The following GRID2 variants were observed in gnomAD, a reference collection of about 807,000 sequenced individuals.
The protein encoded by GRID2 is glutamate ionotropic receptor delta type subunit 2.
In GRID2, 33 loss-of-function variants were observed where a neutral mutation model predicts 114.8. The ratio of observed to expected loss-of-function variants is 0.29; its 90% CI spans 0.22 to 0.38. The LOEUF (loss-of-function observed/expected upper bound fraction) is 0.38. Ranked by LOEUF, GRID2 falls within the 10% of genes least tolerant of loss-of-function variation. GRID2 has a pLI of 1.00. For missense variants in GRID2, 1,184 were observed against 1,257.7 expected, an observed-to-expected ratio of 0.94 and a Z score of 0.89; for synonymous variants, 505 against 449.9, an observed-to-expected ratio of 1.12 and a Z score of -1.55.
intron 14 of GRID2, among the ~76,000 whole-genome samples, chr4:93,650,665 A>G (rs879706459): frequency 6.6e-6 from 1 of 152,200 alleles, no homozygotes; most frequent in East Asian, 1.9e-4. Context: ...TACACTTAAA[A>G]AAAGTCCTTT....
intron 2 of GRID2, among the ~76,000 whole-genome samples, chr4:92,652,743 G>T (rs902050230): frequency 7.1e-6 from 1 of 141,812 alleles, no homozygotes; most frequent in Non-Finnish European, 1.5e-5. Context: ...GGCTGGGGGG[G>T]TTGGGGGGTG....
At chr4:92,315,967 A>G (rs1322350934) in intron 1 of GRID2, among the ~76,000 whole-genome samples, 1 of 147,856 alleles carries the variant, frequency 6.8e-6, no homozygotes, top group Non-Finnish European at 1.5e-5. Context: ...TGAAACTCCA[A>G]CTCAAAAAAA....
At chr4:93,597,483 A>G (rs1739221760) in intron 13 of GRID2, among the ~76,000 whole-genome samples, 1 of 152,168 alleles carries the variant, frequency 6.6e-6, no homozygotes, top group African/African-American at 2.4e-5. Context: ...TTTTTAGTTT[A>G]TGTATGAGAT....
chr4:93,686,108 C>T (rs1255719783), intron 14 of GRID2, among the ~76,000 whole-genome samples: 1 of 151,990 alleles, frequency 6.6e-6, no homozygotes, highest in East Asian at 1.9e-4. Flanking sequence ...AAAATGAACT[C>T]TCTGTCTCTC....
At chr4:92,971,508 C>T (rs1753518131) in intron 2 of GRID2, among the ~76,000 whole-genome samples, 1 of 151,892 alleles carries the variant, frequency 6.6e-6, no homozygotes, top group Non-Finnish European at 1.5e-5. Flanking sequence ...ATTACATAGC[C>T]ATCAACTCAA....
At position 92,394,277 on chromosome 4, in the gene GRID2, A is replaced by G. The variant is rs180737862; in HGVS notation, c.88+89533A>G. Reference sequence around the variant, plus strand: ...TTTTAATCAGTGTCTTCTACATTTGACTTTAGCCAAAAAGCTAAGAAATAA... The same window carrying G: ...TTTTAATCAGTGTCTTCTACATTTGGCTTTAGCCAAAAAGCTAAGAAATAA... On this transcript the variant is annotated intron_variant, in intron 1 of 15. Transcript: ENST00000282020. Among the ~76,000 whole-genome samples, 21 of 152,246 alleles carry G rather than the reference A, an allele frequency of 1.4e-4. 1 individual carries two copies. In the East Asian group the frequency reaches 3.5e-3, roughly 25 times the overall value.
At chr4:92,661,412 T>C (rs1341191134) in intron 2 of GRID2, among the ~76,000 whole-genome samples, 1 of 150,074 alleles carries the variant, frequency 6.7e-6, no homozygotes, top group Admixed American at 6.7e-5. Flanking sequence ...CATTAAAAAA[T>C]ATCTTTAAAT....
chr4:93,363,920 A>T (rs1409179209), intron 8 of GRID2, among the ~76,000 whole-genome samples: 1 of 151,816 alleles, frequency 6.6e-6, no homozygotes, highest in Non-Finnish European at 1.5e-5. Context: ...TTCTCTTCCA[A>T]TCATTTTATA....
At chr4:93,110,142 C>T (rs1732630644) in intron 3 of GRID2, among the ~76,000 whole-genome samples, 1 of 152,096 alleles carries the variant, frequency 6.6e-6, no homozygotes, top group Non-Finnish European at 1.5e-5. Context: ...CTTGGTATCT[C>T]CTACCAACTT....
intron 12 of GRID2, among the ~76,000 whole-genome samples, chr4:93,507,157 C>T (rs923958792): frequency 6.6e-6 from 1 of 152,172 alleles, no homozygotes; most frequent in African/African-American, 2.4e-5. Context: ...ATATCTTTTA[C>T]AGAGCTCTTA....
intron 4 of GRID2, among the ~76,000 whole-genome samples, chr4:93,146,572 G>A (rs545731085): frequency 1.3e-5 from 2 of 151,998 alleles, no homozygotes; most frequent in East Asian, 1.9e-4. Context: ...TGGATTCTCT[G>A]TGTGAGTGCA....
intron 2 of GRID2, among the ~76,000 whole-genome samples, chr4:92,746,757 A>G (rs1406224760): frequency 3.3e-5 from 5 of 151,854 alleles, no homozygotes; most frequent in South Asian, 2.1e-4. Context: ...TGAGCAAATT[A>G]TTTTTTTCCA....
chr4:92,901,289 A>G (rs1009285669), intron 2 of GRID2, among the ~76,000 whole-genome samples: 2 of 152,118 alleles, frequency 1.3e-5, no homozygotes, highest in African/African-American at 4.8e-5. Context: ...TAAGATGGCT[A>G]TCTTGTGGTT....
intron 8 of GRID2, among the ~76,000 whole-genome samples, chr4:93,310,778 G>A (rs184967911): frequency 9.5e-4 from 144 of 152,252 alleles, no homozygotes; most frequent in Non-Finnish European, 1.8e-3. Flanking sequence ...TTGGGGTCTG[G>A]GATCCAGGAG....
At chr4:93,725,669 A>G (rs148101832) in intron 14 of GRID2, among the ~76,000 whole-genome samples, 1,921 of 141,030 alleles carry the variant, frequency 0.014, 197 homozygotes, top group African/African-American at 0.058. Context: ...TTTAATGATC[A>G]CCATTCTAAC....
chr4:93,262,897 A>G (rs1750405996), intron 8 of GRID2, among the ~76,000 whole-genome samples: 1 of 151,914 alleles, frequency 6.6e-6, no homozygotes, highest in East Asian at 1.9e-4. Context: ...TCTGTTTACT[A>G]TTAAATTTTT....
chr4:93,275,980 C>A (rs1419366556), intron 8 of GRID2, among the ~76,000 whole-genome samples: 1 of 151,794 alleles, frequency 6.6e-6, no homozygotes, highest in Non-Finnish European at 1.5e-5. Flanking sequence ...TGAATCTATA[C>A]TTTTTCTGTG....
chr4:93,546,699 A>G (rs1477391238), intron 13 of GRID2, among the ~76,000 whole-genome samples: 1 of 152,216 alleles, frequency 6.6e-6, no homozygotes, highest in East Asian at 1.9e-4. Flanking sequence ...AGAATTTATG[A>G]AAGTAGGTAT....
chr4:92,322,443 A>G (rs988731388), intron 1 of GRID2, among the ~76,000 whole-genome samples: 4 of 152,154 alleles, frequency 2.6e-5, no homozygotes, highest in Non-Finnish European at 1.5e-5. Context: ...CTCTTGGCAA[A>G]GGAAAAATGC....
Sources: gnomAD v4.1 joint callset for allele counts (sites outside exome capture counted in the v4.1 genomes callset) on GRCh38, gnomAD v4.1.1 for gene constraint, MANE v1.5 for transcripts, NCBI Gene and HGNC (gene_info 2026-07-23, HGNC 2026-07-21) for gene names.